The following OPCML variants were observed in gnomAD, a reference collection of about 807,000 sequenced individuals.
The protein encoded by OPCML is opioid-binding protein/cell adhesion molecule.
OPCML carries 13 observed loss-of-function variants against 37.8 expected under a neutral mutation model. That is an observed-to-expected ratio of 0.34 (90% CI 0.22 to 0.55). The LOEUF is 0.55. OPCML is among the 20% of genes least tolerant of loss of function. The pLI, the probability that OPCML is intolerant of heterozygous loss-of-function variation, is 0.91. For missense variants in OPCML, 341 were observed against 435.6 expected, an observed-to-expected ratio of 0.78 and a Z score of 1.93; for synonymous variants, 176 against 168.8, an observed-to-expected ratio of 1.04 and a Z score of -0.33.
intron 4 of OPCML, among the ~76,000 whole-genome samples, chr11:132,506,318 G>A (rs1330023492): frequency 6.6e-6 from 1 of 152,150 alleles, no homozygotes; most frequent in Non-Finnish European, 1.5e-5. Context: ...TCACCTGAAG[G>A]AAGACATATC....
At chr11:132,850,194 G>A (rs761859142) in intron 2 of OPCML, among the ~76,000 whole-genome samples, 2 of 152,106 alleles carry the variant, frequency 1.3e-5, no homozygotes, top group Non-Finnish European at 2.9e-5. Flanking sequence ...GAAACCTCCT[G>A]TGTCCATCAG....
At chr11:133,185,034 G>A (rs529018901) in intron 1 of OPCML, among the ~76,000 whole-genome samples, 1 of 152,184 alleles carries the variant, frequency 6.6e-6, no homozygotes, top group South Asian at 2.1e-4. Flanking sequence ...GAAAATGTCT[G>A]GAAACTTCTA....
chr11:133,001,428 G>T (rs77337374), intron 1 of OPCML, among the ~76,000 whole-genome samples: 1 of 152,088 alleles, frequency 6.6e-6, no homozygotes, highest in Admixed American at 6.5e-5. Flanking sequence ...AAAGAAGAAG[G>T]CTATGTTTTT....
At chr11:133,162,405 T>C (rs375296513) in intron 1 of OPCML, among the ~76,000 whole-genome samples, 38 of 152,202 alleles carry the variant, frequency 2.5e-4, no homozygotes, top group African/African-American at 8.7e-4. Flanking sequence ...AAATGGAACG[T>C]GGCTGAGTTA....
At chr11:133,283,347 T>C (rs1227394874) in intron 1 of OPCML, among the ~76,000 whole-genome samples, 2 of 152,056 alleles carry the variant, frequency 1.3e-5, no homozygotes, top group Non-Finnish European at 2.9e-5. Flanking sequence ...GATATTTGGC[T>C]ATTTAAAAGA....
chr11:133,317,022 AC>A (rs1189405985), intron 1 of OPCML, among the ~76,000 whole-genome samples: 4 of 151,974 alleles, frequency 2.6e-5, no homozygotes, highest in Non-Finnish European at 5.9e-5. Flanking sequence ...ACATGGTGAA[AC>A]CCCATCTCTA....
chr11:132,621,467 TA>T (rs1207899768), intron 3 of OPCML, among the ~76,000 whole-genome samples: 10 of 152,164 alleles, frequency 6.6e-5, no homozygotes, highest in African/African-American at 2.4e-4. Context: ...ACTCAGCAAT[TA>T]AAAAATGAAC....
rs1464366817 is a variant in OPCML, at chr11:132,943,945, G to A, written c.62-935C>T. Among the ~76,000 whole-genome samples, 1 of 152,030 alleles carries A rather than the reference G, an allele frequency of 6.6e-6. No homozygotes were observed. The highest frequency in any genetic ancestry group is 1.9e-4 in the East Asian group (1 of 5,148). On this transcript the variant is annotated intron_variant, in intron 1 of 7. Transcript: ENST00000524381. The surrounding 1 kb of genome is among the most constrained non-coding windows in gnomAD (Gnocchi z 4.3). ...GGCCCGGACCGCCGGGGTTGTCATGGCAGCAGCTCCATCCCTGACCGCCAC... is the reference window on the plus strand; with the variant it reads ...GGCCCGGACCGCCGGGGTTGTCATGACAGCAGCTCCATCCCTGACCGCCAC...
At chr11:133,335,128 T>C (rs1173393295) in intron 1 of OPCML, among the ~76,000 whole-genome samples, 2 of 152,202 alleles carry the variant, frequency 1.3e-5, no homozygotes, top group Non-Finnish European at 2.9e-5. Context: ...CTTTCAGACA[T>C]TGTAAAATGT....
intron 1 of OPCML, among the ~76,000 whole-genome samples, chr11:133,202,043 C>T (rs991805435): frequency 1.4e-5 from 1 of 71,508 alleles, no homozygotes; most frequent in African/African-American, 1.6e-4. Flanking sequence ...ACAATGAACA[C>T]ACATAAAAAA....
intron 2 of OPCML, among the ~76,000 whole-genome samples, chr11:132,907,041 CT>C (rs1944266137): frequency 6.6e-6 from 1 of 152,220 alleles, no homozygotes; most frequent in South Asian, 2.1e-4. Flanking sequence ...CCATGAAAAT[CT>C]GCCCAGAGTC....
chr11:132,450,772 C>T lies in OPCML; in HGVS notation c.506-13413G>A, dbSNP rs376362210. ...ACCTTCCTCACCATTGAGGAAGTAA[C>T]ACCACACTAGGCTCAGGAGTGATTA... On this transcript the variant is annotated intron_variant, in intron 4 of 7. Transcript: ENST00000524381. Among the ~76,000 whole-genome samples the T allele has an allele frequency of 9.3e-4, 142 of 152,238 alleles. 2 individuals are homozygous for T. In the South Asian group the frequency reaches 0.028, roughly 30 times the overall value.
intron 2 of OPCML, among the ~76,000 whole-genome samples, chr11:132,854,360 T>C (rs561543503): frequency 1.3e-5 from 2 of 152,332 alleles, no homozygotes; most frequent in South Asian, 2.1e-4. Flanking sequence ...CTGGGTTTTA[T>C]GGAGCTTTCA....
chr11:132,744,682 G>T (rs1945554094), intron 2 of OPCML, among the ~76,000 whole-genome samples: 1 of 152,220 alleles, frequency 6.6e-6, no homozygotes, highest in Non-Finnish European at 1.5e-5. Flanking sequence ...AGCCATACGT[G>T]AGACTCCACT....
At chr11:132,658,187 A>G (rs1941796807) in intron 2 of OPCML, among the ~76,000 whole-genome samples, 1 of 152,246 alleles carries the variant, frequency 6.6e-6, no homozygotes. Flanking sequence ...ATGAGGAAAC[A>G]GAATGCTTTC....
chr11:132,541,711 C>G (rs2096357106), intron 3 of OPCML, among the ~76,000 whole-genome samples: 1 of 152,176 alleles, frequency 6.6e-6, no homozygotes, highest in Non-Finnish European at 1.5e-5. Flanking sequence ...AAATTTCACA[C>G]AGCCTGGAAG....
chr11:132,578,287 C>T (rs1156273407), intron 3 of OPCML, among the ~76,000 whole-genome samples: 8 of 152,116 alleles, frequency 5.3e-5, no homozygotes, highest in Admixed American at 3.9e-4. Flanking sequence ...AAGTACAGTC[C>T]TCAACCAATG....
At chr11:133,240,646 T>C (rs1940695308) in intron 1 of OPCML, among the ~76,000 whole-genome samples, 1 of 152,236 alleles carries the variant, frequency 6.6e-6, no homozygotes, top group Admixed American at 6.5e-5. Flanking sequence ...AACACTGACC[T>C]TGCCCCATGA....
At chr11:132,939,881 C>CT (rs1423030141) in intron 2 of OPCML, among the ~76,000 whole-genome samples, 1 of 152,154 alleles carries the variant, frequency 6.6e-6, no homozygotes, top group Non-Finnish European at 1.5e-5. Flanking sequence ...CAAGAGGGCC[C>CT]ATTTGTAATA....
Sources: gnomAD v4.1 joint callset for allele counts (sites outside exome capture counted in the v4.1 genomes callset) on GRCh38, gnomAD v4.1.1 for gene constraint, Gnocchi (gnomAD v3.1) non-coding constraint, MANE v1.5 for transcripts, NCBI Gene and HGNC (gene_info 2026-07-23, HGNC 2026-07-21) for gene names.